The following LBP variants were observed in gnomAD, a reference collection of about 807,000 sequenced individuals.
LBP encodes the protein lipopolysaccharide-binding protein.
A neutral mutation model predicts 56.6 loss-of-function variants in LBP; 53 were observed. The ratio of observed to expected loss-of-function variants is 0.94; its 90% CI spans 0.75 to 1.18. The LOEUF (loss-of-function observed/expected upper bound fraction) is 1.18. Among genes scored for constraint, LBP ranks in the 50% most tolerant of loss-of-function variants. LBP has a pLI of 0.00. For synonymous variants in LBP, 227 were observed against 247.5 expected (o/e 0.92, Z 0.78); for missense variants, 601 against 598.3 (o/e 1.00, Z -0.05).
At chr20:38,355,316 T>A in intron 4 of LBP, 30 bp from the exon 5 acceptor site, 1 of 1,611,050 alleles carries the variant, frequency 6.2e-7, no homozygotes, top group Non-Finnish European at 8.5e-7. Flanking sequence ...CATCCCCAAG[T>A]TCAGTGGCAG....
At chr20:38,358,614 A>G (rs2076849308) in intron 5 of LBP, among the ~76,000 whole-genome samples, 1 of 152,156 alleles carries the variant, frequency 6.6e-6, no homozygotes, top group Non-Finnish European at 1.5e-5. Flanking sequence ...CCTCTCCCAG[A>G]AAATGGAGCA....
At chr20:38,350,618 T>C (rs2076817083) in intron 2 of LBP, among the ~76,000 whole-genome samples, 193 bp from the exon 3 acceptor site, 1 of 152,232 alleles carries the variant, frequency 6.6e-6, no homozygotes, top group East Asian at 1.9e-4. Flanking sequence ...ACCCCTTCAG[T>C]GTGGCCCATA....
chr20:38,366,825 AC>A lies in LBP; in HGVS notation c.979del (p.Arg327GlyfsTer2). The A allele has an allele frequency of 6.2e-7, 1 of 1,613,906 alleles. No homozygotes were observed. The highest frequency in any genetic ancestry group is 8.5e-7 in the Non-Finnish European group (1 of 1,179,908). On this transcript the variant is annotated frameshift_variant and splice_region_variant, in exon 9 of 15. Coordinates refer to ENST00000217407, the MANE Select transcript of LBP (RefSeq NM_004139.5). LOFTEE classifies it high-confidence loss of function. ...CCAAGTCCTTCCGACCCTTCGTCCC[AC>A]GGGTAAGGAGTCCCTTAGTTCCCCA... is the stretch of plus-strand genomic sequence containing the variant. ...TTKSFRPFVP[R>X]LARLYPNMNL...
At chr20:38,355,201 C>G (rs2076834370) in intron 4 of LBP, 145 bp from the exon 5 acceptor site, 1 of 700,612 alleles carries the variant, frequency 1.4e-6, no homozygotes, top group Admixed American at 2.2e-5. Context: ...CCGAATCAGG[C>G]TGGATGTGCT....
intron 11 of LBP, 84 bp downstream of exon 11, chr20:38,370,889 G>T (rs1015276018): frequency 7.0e-6 from 8 of 1,135,338 alleles, no homozygotes; most frequent in Admixed American, 5.1e-5. Context: ...CTGGTGGGAG[G>T]GGGGGCCACC....
At chr20:38,368,103 A>G (rs558050276) in intron 9 of LBP, among the ~76,000 whole-genome samples, 2 of 152,338 alleles carry the variant, frequency 1.3e-5, no homozygotes, top group South Asian at 2.1e-4. Context: ...AAAGAGTAAT[A>G]CGAGAAAATT....
At chr20:38,373,869 C>T (rs1408142290) in intron 13 of LBP, 68 bp from the exon 14 acceptor site, 14 of 1,378,582 alleles carry the variant, frequency 1.0e-5, no homozygotes, top group African/African-American at 5.7e-5. Flanking sequence ...AGAACATTTT[C>T]GGTAAAAATC....
At chr20:38,360,381 G>A (rs2076855538) in intron 5 of LBP, among the ~76,000 whole-genome samples, 1 of 152,160 alleles carries the variant, frequency 6.6e-6, no homozygotes, top group Non-Finnish European at 1.5e-5. Context: ...CCTCCCAAAG[G>A]AAAACTTTGT....
chr20:38,359,887 G>T (rs2076853706), intron 5 of LBP, among the ~76,000 whole-genome samples: 1 of 152,168 alleles, frequency 6.6e-6, no homozygotes, highest in Non-Finnish European at 1.5e-5. Context: ...CCAGCATTCA[G>T]TCTTCCAGGA....
chr20:38,366,270 A>G (rs9789806), intron 8 of LBP, among the ~76,000 whole-genome samples: 6,403 of 152,220 alleles, frequency 0.042, 203 homozygotes, highest in South Asian at 0.13. Context: ...CGCTTCTGGC[A>G]TCGTGTTTGG....
At position 38,376,920 on chromosome 20, in the gene LBP, C is replaced by G; in HGVS notation, c.*251C>G. 1 of 650,460 alleles carries G rather than the reference C, an allele frequency of 1.5e-6. No individual in the cohort carries two copies. Among genetic ancestry groups the G allele is most frequent in the African/African-American group, 1.8e-5 (1 of 56,124 alleles). 40.3% of individuals were successfully genotyped at this position (650,460 alleles called of 1,614,324 possible). On this transcript the variant is annotated 3_prime_UTR_variant, in exon 15 of 15. Coordinates refer to ENST00000217407, the MANE Select transcript of LBP (RefSeq NM_004139.5). Reference sequence around the variant, plus strand: ...GACTGGCCTGGGATATCTTTACAAGCAGGCACTGTATTTTTTTATTCGCCA... The same window carrying G: ...GACTGGCCTGGGATATCTTTACAAGGAGGCACTGTATTTTTTTATTCGCCA...
At position 38,359,086 on chromosome 20, in the gene LBP, T is replaced by A. The variant is rs369085064; in HGVS notation, c.589-1618T>A. 2.4e-4 allele frequency among the ~76,000 whole-genome samples: 36 copies of A among 152,324 alleles called. No homozygotes were observed. The East Asian group carries it at 6.0e-3, about 25-fold the overall frequency. On this transcript the variant is annotated intron_variant, in intron 5 of 14. Transcript: ENST00000217407. ...GGTTTCTTTAACTGCAATGAGAATTTAAAGACATTTGCAAAGCCATCCCAG... is the reference window on the plus strand; with the variant it reads ...GGTTTCTTTAACTGCAATGAGAATTAAAAGACATTTGCAAAGCCATCCCAG...
At position 38,364,699 on chromosome 20, in the gene LBP, A is replaced by G. The variant is rs148335585; in HGVS notation, c.868A>G (p.Ser290Gly). 2 of 1,614,098 alleles carry G rather than the reference A, an allele frequency of 1.2e-6. No homozygotes were observed. The highest frequency in any genetic ancestry group is 1.7e-6 in the Non-Finnish European group (2 of 1,179,982). The change falls in exon 8 of 15, where the codon AGC (serine) becomes GGC (glycine). Residue 290 changes from serine (S) to glycine (G), a missense_variant. Transcript: ENST00000217407. ...CTCGGATTATGTCTTCAACACGGCC[A>G]GCCTGGTTTATCATGAGGAAGGATA... ...AISDYVFNTA[S>G]LVYHEEGYLN...
At chr20:38,349,851 C>T (rs530140584) in intron 2 of LBP, among the ~76,000 whole-genome samples, 189 bp downstream of exon 2, 20 of 152,122 alleles carry the variant, frequency 1.3e-4, no homozygotes, top group Non-Finnish European at 2.5e-4. Context: ...CACTCAGTCA[C>T]GCAGCAAATA....
At chr20:38,367,425 G>T (rs1600729142) in intron 9 of LBP, among the ~76,000 whole-genome samples, 1 of 152,188 alleles carries the variant, frequency 6.6e-6, no homozygotes, top group East Asian at 1.9e-4. Context: ...CTGCACTCCA[G>T]CCTGGGCAAC....
At chr20:38,356,956 A>G (rs942764951) in intron 5 of LBP, among the ~76,000 whole-genome samples, 1 of 152,046 alleles carries the variant, frequency 6.6e-6, no homozygotes, top group African/African-American at 2.4e-5. Flanking sequence ...CCCAGGTTCA[A>G]GCAATTCTTC....
Position 38,374,002 on chromosome 20 carries a change from C to G in LBP, c.1390C>G (p.Gln464Glu). The change falls in exon 14 of 15, where the codon CAG becomes GAG. Residue 464 changes from glutamine to glutamate, a missense_variant. Transcript: ENST00000217407. Reference protein sequence around the residue: ...KRVQLYDLGLQIHKDFLFLGA... With the variant: ...KRVQLYDLGLEIHKDFLFLGA... ...TGTTCAGCTCTACGACCTTGGGCTG[C>G]AGATCCATAAGGTCGGTGGGTTCAG... is the stretch of plus-strand genomic sequence containing the variant. The G allele has an allele frequency of 6.2e-7, 1 of 1,614,058 alleles. No homozygotes were observed. The highest frequency in any genetic ancestry group is 8.5e-7 in the Non-Finnish European group (1 of 1,179,950).
At chr20:38,348,167 C>G (rs1051842607) in intron 1 of LBP, among the ~76,000 whole-genome samples, 7 of 152,142 alleles carry the variant, frequency 4.6e-5, no homozygotes, top group Admixed American at 4.6e-4. Context: ...AACCTGGGCC[C>G]CTCAGATCTC....
chr20:38,350,732 G>T (rs1019603375), intron 2 of LBP, 79 bp from the exon 3 acceptor site: 2 of 1,488,846 alleles, frequency 1.3e-6, no homozygotes, highest in Non-Finnish European at 1.8e-6. Flanking sequence ...CCCCACTGTG[G>T]AGAGGGGAGG....
Sources: gnomAD v4.1 joint callset for allele counts (sites outside exome capture counted in the v4.1 genomes callset) on GRCh38, gnomAD v4.1.1 for gene constraint, MANE v1.5 for transcripts, NCBI Gene and HGNC (gene_info 2026-07-23, HGNC 2026-07-21) for gene names.